Variants in ZFP1 observed in about 807,000 individuals in gnomAD.
The protein encoded by ZFP1 is zinc finger protein 1 homolog.
A neutral mutation model predicts 38.5 loss-of-function variants in ZFP1; 32 were observed. That is an observed-to-expected ratio of 0.83 (90% CI 0.63 to 1.12). The LOEUF is 1.12. Among genes scored for constraint, ZFP1 ranks in the 50% most tolerant of loss-of-function variants. The pLI, the probability that ZFP1 is intolerant of heterozygous loss-of-function variation, is 0.00. For missense variants in ZFP1, 616 were observed against 480.8 expected (o/e 1.28, Z -2.63); for synonymous variants, 245 against 168.8 (o/e 1.45, Z -3.50).
At chr16:75,164,980 T>C (rs2037986035) in intron 2 of ZFP1, among the ~76,000 whole-genome samples, 1 of 152,064 alleles carries the variant, frequency 6.6e-6, no homozygotes. Context: ...TAATTTTGTA[T>C]TTTTAGTAGA....
At chr16:75,154,131 G>A (rs1241464366) in intron 2 of ZFP1, among the ~76,000 whole-genome samples, 1 of 152,214 alleles carries the variant, frequency 6.6e-6, no homozygotes, top group Admixed American at 6.5e-5. Flanking sequence ...GGCTGAGGCA[G>A]GAGAATGGCG....
the ZFP1 span, among the ~76,000 whole-genome samples, chr16:75,127,545 T>G: frequency 1.3e-5 from 2 of 152,126 alleles, no homozygotes. Context: ...GGTCTTGAAC[T>G]CCTGGCCTCA....
chr16:75,151,539 A>G (rs1025156836), intron 1 of ZFP1, among the ~76,000 whole-genome samples: 6 of 152,166 alleles, frequency 3.9e-5, no homozygotes, highest in African/African-American at 9.7e-5. Flanking sequence ...TTGTTACCCT[A>G]AAGTTTAGTG....
At chr16:75,155,124 T>C (rs539017410) in intron 2 of ZFP1, among the ~76,000 whole-genome samples, 21 of 152,288 alleles carry the variant, frequency 1.4e-4, no homozygotes, top group African/African-American at 3.6e-4. Flanking sequence ...CTCTTAATTA[T>C]GTGATTTGAT....
upstream of ZFP1, chr16:75,144,168 G>A (rs2036919050): frequency 6.6e-6 from 1 of 152,194 alleles, no homozygotes; most frequent in South Asian, 2.1e-4. Flanking sequence ...TGCTTACTCA[G>A]TGCTGTTACA....
rs563948166 is a variant in ZFP1 at position 75,166,012 on chromosome 16, T to A, written c.16-758T>A. On this transcript the variant is annotated intron_variant, in intron 2 of 3. Coordinates refer to ENST00000570010, the MANE Select transcript of ZFP1 (RefSeq NM_153688.4). Reference sequence around the variant, plus strand: ...TTCAACCATGTATTTTTTAAAAAAATTTTCTACCATTTTTATGGCTTGAAT... The same window carrying A: ...TTCAACCATGTATTTTTTAAAAAAAATTTCTACCATTTTTATGGCTTGAAT... Among the ~76,000 whole-genome samples, 45 of 152,246 alleles carry A rather than the reference T, an allele frequency of 3.0e-4. 1 individual carries two copies. Among genetic ancestry groups the A allele is most frequent in the East Asian group, 3.9e-4 (2 of 5,184 alleles).
chr16:75,123,204 A>C, the ZFP1 span, among the ~76,000 whole-genome samples: 3 of 151,582 alleles, frequency 2.0e-5, no homozygotes, highest in South Asian at 2.1e-4. Flanking sequence ...AAATGCAAAA[A>C]TTAGCTGGGC....
At chr16:75,142,594 A>G in the ZFP1 span, among the ~76,000 whole-genome samples, 3 of 152,248 alleles carry the variant, frequency 2.0e-5, no homozygotes, top group Non-Finnish European at 4.4e-5. Flanking sequence ...TCTCTTGCTC[A>G]TAAAATTCCC....
the ZFP1 span, among the ~76,000 whole-genome samples, chr16:75,133,125 A>C: frequency 1.7e-4 from 25 of 150,504 alleles, no homozygotes; most frequent in African/African-American, 6.1e-4. Context: ...TTACAGGTGC[A>C]TGCCACCACG....
chr16:75,135,741 C>T, the ZFP1 span, among the ~76,000 whole-genome samples: 1 of 137,804 alleles, frequency 7.3e-6, no homozygotes, highest in East Asian at 1.9e-4. Flanking sequence ...GTGCATTTGT[C>T]AAAACCTATA....
the ZFP1 span, among the ~76,000 whole-genome samples, chr16:75,129,001 G>C: frequency 1.6e-3 from 241 of 152,152 alleles, no homozygotes; most frequent in Non-Finnish European, 2.6e-3. Context: ...TGTTGGTCAG[G>C]CTGGTCTCAA....
intron 2 of ZFP1, among the ~76,000 whole-genome samples, chr16:75,158,905 CT>C (rs71158583): frequency 0.31 from 39,302 of 124,792 alleles, 6,160 homozygotes; most frequent in Middle Eastern, 0.5. Flanking sequence ...TTTGTCTTGT[CT>C]TTTTTTTTTT....
intron 2 of ZFP1, among the ~76,000 whole-genome samples, chr16:75,159,272 C>T (rs1442324090): frequency 4.3e-5 from 6 of 138,584 alleles, no homozygotes; most frequent in African/African-American, 1.6e-4. Flanking sequence ...CCCTTCCTTC[C>T]CTCACTTCCC....
the ZFP1 span, among the ~76,000 whole-genome samples, chr16:75,137,480 T>TTTTTTTTG: frequency 6.8e-6 from 1 of 147,576 alleles, no homozygotes; most frequent in Admixed American, 6.8e-5. Context: ...TTTTTTTTTT[T>TTTTTTTTG]GAGACCAAGT....
chr16:75,155,295 C>G (rs981023080), intron 2 of ZFP1, among the ~76,000 whole-genome samples: 4 of 152,150 alleles, frequency 2.6e-5, no homozygotes, highest in Non-Finnish European at 4.4e-5. Flanking sequence ...CCATGCTTAC[C>G]TAATTTTTTG....
At position 75,170,175 on chromosome 16, in the gene ZFP1, T is replaced by C. The variant is rs144175465; in HGVS notation, c.1065T>C (p.Thr355=). The C allele has an allele frequency of 1.2e-6, 2 of 1,614,202 alleles. No homozygotes were observed. The highest frequency in any genetic ancestry group is 1.7e-6 in the Non-Finnish European group (2 of 1,180,036). The change falls in exon 4 of 4, where the codon ACT becomes ACC. Residue 355 remains threonine, a synonymous_variant. Transcript: ENST00000570010. ...THTGEKPYEC[T]ECGKTFSQRS... Reference sequence around the variant, plus strand: ...CAGGAGAGAAACCCTATGAATGTACTGAGTGCGGCAAAACTTTCAGCCAGA... The same window carrying C: ...CAGGAGAGAAACCCTATGAATGTACCGAGTGCGGCAAAACTTTCAGCCAGA...
At chr16:75,167,342 C>G (rs566296366) in intron 3 of ZFP1, among the ~76,000 whole-genome samples, 4 of 152,254 alleles carry the variant, frequency 2.6e-5, no homozygotes, top group Admixed American at 2.6e-4. Flanking sequence ...GGACAGATGA[C>G]CTGTACCTCA....
intron 2 of ZFP1, among the ~76,000 whole-genome samples, chr16:75,154,187 G>A (rs2037353675): frequency 6.6e-6 from 1 of 151,408 alleles, no homozygotes; most frequent in South Asian, 2.1e-4. Context: ...TCGCGCCACT[G>A]AACTCCAGCC....
the ZFP1 span, among the ~76,000 whole-genome samples, chr16:75,139,388 AAAAAAAAAC>A: frequency 1.5e-3 from 202 of 131,672 alleles, 8 homozygotes; most frequent in African/African-American, 8.4e-3. Flanking sequence ...AAAAAAAAAA[AAAAAAAAAC>A]ACCGTCAGAG....
Sources: allele counts gnomAD v4.1 joint callset (sites outside exome capture counted in the v4.1 genomes callset), GRCh38; gene constraint gnomAD v4.1.1; transcripts MANE v1.5; gene names NCBI Gene and HGNC (gene_info 2026-07-23, HGNC 2026-07-21).